DHX37: variants seen among roughly 807,000 people sequenced by gnomAD.
The protein encoded by DHX37 is probable ATP-dependent RNA helicase DHX37.
Under a neutral mutation model 134.3 loss-of-function variants are expected in DHX37, and 52 were observed. The observed-to-expected ratio is 0.39, with a 90% CI of 0.31 to 0.49. The LOEUF (loss-of-function observed/expected upper bound fraction) is 0.49, where lower values mean the gene tolerates loss of function less well. Among genes scored for constraint, DHX37 ranks in the 20% least tolerant of loss-of-function variants. The pLI, the probability that DHX37 is intolerant of heterozygous loss-of-function variation, is 0.93. For missense variants in DHX37, 1,344 were observed against 1,580.8 expected, an observed-to-expected ratio of 0.85 and a Z score of 2.54; for synonymous variants, 634 against 670.7, an observed-to-expected ratio of 0.95 and a Z score of 0.85.
At position 124,982,023 on chromosome 12, in the gene DHX37, T is replaced by C. The variant is rs1335697930; in HGVS notation, c.389+488A>G. Among the ~76,000 whole-genome samples the C allele has an allele frequency of 2.6e-5, 4 of 151,366 alleles. No individual in the cohort carries two copies. The East Asian group carries it at 7.8e-4, about 30-fold the overall frequency. ...CTGTAATCCCAGCTACTTGGGAGGC[T>C]GAGGCAGGAGAATCGCTTGAACCTG... On this transcript the variant is annotated intron_variant, in intron 3 of 26. Transcript: ENST00000308736.
At chr12:124,959,512 C>T (rs10846784) in intron 16 of DHX37, among the ~76,000 whole-genome samples, 38,994 of 151,992 alleles carry the variant, frequency 0.26, 6,551 homozygotes, top group African/African-American at 0.48. Context: ...TGTGAGCCAC[C>T]AGGCCCGGCC....
Position 124,966,778 on chromosome 12 carries a change from C to G in DHX37, c.1590+15G>C. The G allele has an allele frequency of 6.2e-7, 1 of 1,614,124 alleles. No individual in the cohort carries two copies. On this transcript the variant is annotated intron_variant, in intron 12 of 26. Transcript: ENST00000308736. ...AGCCTTACTCTCCAGGAGTCCCTGCCAGCCCCCCACGTACCTCAGCCCGCG... is the reference window on the plus strand; with the variant it reads ...AGCCTTACTCTCCAGGAGTCCCTGCGAGCCCCCCACGTACCTCAGCCCGCG...
intron 4 of DHX37, among the ~76,000 whole-genome samples, chr12:124,979,107 T>C (rs960242029): frequency 5.3e-5 from 8 of 151,904 alleles, no homozygotes; most frequent in Admixed American, 4.6e-4. Flanking sequence ...CCCAGCACTT[T>C]AGGAGGCCAA....
chr12:124,960,880 A>G (rs1954223885), intron 15 of DHX37, among the ~76,000 whole-genome samples: 1 of 152,202 alleles, frequency 6.6e-6, no homozygotes, highest in African/African-American at 2.4e-5. Flanking sequence ...ACTTGAACCC[A>G]GGAGGCAAAG....
intron 5 of DHX37, among the ~76,000 whole-genome samples, chr12:124,976,280 G>A (rs759772813): frequency 3.9e-4 from 59 of 152,184 alleles, no homozygotes; most frequent in Non-Finnish European, 6.2e-4. Context: ...CGCGTCCTTC[G>A]CTGTAATATA....
chr12:124,988,776 A>G (rs1954921738), intron 1 of DHX37, 141 bp downstream of exon 1: 1 of 427,616 alleles, frequency 2.3e-6, no homozygotes, highest in South Asian at 1.2e-4. Flanking sequence ...CCTTTGGATC[A>G]TCTGGAATGG....
chr12:124,964,194 T>TG (rs1954330144), intron 15 of DHX37, among the ~76,000 whole-genome samples, 200 bp downstream of exon 15: 1 of 28,486 alleles, frequency 3.5e-5, no homozygotes, highest in Non-Finnish European at 5.9e-5. Context: ...AAACTCCATC[T>TG]CAAAAAAAAA....
rs569709094 is a variant in DHX37, at chr12:124,966,957, C to T, written c.1505-79G>A. ...GCACACTGCCCTTTGTTGTTCAAGGCATGGCCACTCAGTGGTGGCCATTTA... is the reference window on the plus strand; with the variant it reads ...GCACACTGCCCTTTGTTGTTCAAGGTATGGCCACTCAGTGGTGGCCATTTA... On this transcript the variant is annotated intron_variant, in intron 11 of 26. Transcript: ENST00000308736. 1.5e-5 allele frequency: 23 copies of T among 1,581,820 alleles called. No individual in the cohort carries two copies. In the Admixed American group the frequency reaches 3.5e-4, roughly 24 times the overall value.
In DHX37 at chr12:124,964,617, G is replaced by A. The variant is rs762547225; in HGVS notation, c.1822C>T (p.Pro608Ser). 2.5e-6 allele frequency: 4 copies of A among 1,607,218 alleles called. No homozygotes were observed. The highest frequency in any genetic ancestry group is 3.4e-6 in the Non-Finnish European group (4 of 1,178,448). ...CACAACCGAGTCCCCTCCGGTGGAG[G>A]CTTAAAGACCTAGGATTCGGGGAAG... is the stretch of plus-strand genomic sequence containing the variant. ...APEKQAQVFKPPPEGTRLCVV... is the reference protein window; with the variant it reads ...APEKQAQVFKSPPEGTRLCVV... The change falls in exon 15 of 27, where the codon CCT (proline) becomes TCT (serine). Residue 608 changes from proline to serine, a missense_variant. This residue lies in a region of DHX37 where 289 missense variants were observed against 323.8 expected (regional missense o/e 0.89). Coordinates refer to ENST00000308736, the MANE Select transcript of DHX37 (RefSeq NM_032656.4).
chr12:124,972,578 C>G lies in DHX37; in HGVS notation c.1002G>C (p.Arg334=). ...TCTCCTCTGTCACGTTTCCTTCATA[C>G]CGGATCTGGTAGGAGACGACCCTGT... is the stretch of plus-strand genomic sequence containing the variant. ...LSQRVVSYQI[R]YEGNVTEETR... The change falls in exon 7 of 27, where the codon CGG becomes CGC. Residue 334 remains arginine (R), a synonymous_variant. Coordinates refer to ENST00000308736, the MANE Select transcript of DHX37 (RefSeq NM_032656.4). The G allele has an allele frequency of 6.2e-7, 1 of 1,614,200 alleles. No homozygotes were observed. Among genetic ancestry groups the G allele is most frequent in the Non-Finnish European group, 8.5e-7 (1 of 1,180,030 alleles).
At chr12:124,963,101 C>T (rs1954300458) in intron 15 of DHX37, among the ~76,000 whole-genome samples, 1 of 152,186 alleles carries the variant, frequency 6.6e-6, no homozygotes, top group African/African-American at 2.4e-5. Flanking sequence ...AACAACCAAA[C>T]GTCCACCAGC....
Position 124,956,892 on chromosome 12 carries a change from G to C in DHX37, c.2265-13C>G. ...CAGTTGCTTCACCCTGGAGATGGAGGTGGTGGTGGCAGTGCTCTGAGAGGA... is the reference window on the plus strand; with the variant it reads ...CAGTTGCTTCACCCTGGAGATGGAGCTGGTGGTGGCAGTGCTCTGAGAGGA... On this transcript the variant is annotated splice_polypyrimidine_tract_variant and intron_variant, in intron 17 of 26. Transcript: ENST00000308736. The C allele has an allele frequency of 6.3e-7, 1 of 1,578,052 alleles. No homozygotes were observed. The highest frequency in any genetic ancestry group is 8.7e-7 in the Non-Finnish European group (1 of 1,155,794).
rs148710712 is a variant in DHX37 at position 124,950,539 on chromosome 12, C to T, written c.2995G>A (p.Val999Met). 360 of 1,553,700 alleles carry T rather than the reference C, an allele frequency of 2.3e-4. No individual in the cohort carries two copies. In the African/African-American group the frequency reaches 2.7e-3, roughly 11 times the overall value. ...TKMYMKGVSS[V>M]EVQWIPALLP... ...AGGGCCGGGATCCACTGGACCTCCA[C>T]GCTAGAGACGCCTGGGGGCCGGGGG... The change falls in exon 23 of 27, where the codon GTG becomes ATG. Residue 999 changes from valine to methionine, a missense_variant. This residue lies in a region of DHX37 where 558 missense variants were observed against 650.0 expected (regional missense o/e 0.86). Coordinates refer to ENST00000308736, the MANE Select transcript of DHX37 (RefSeq NM_032656.4).
intron 8 of DHX37, among the ~76,000 whole-genome samples, chr12:124,969,942 A>G (rs1352179997): frequency 6.6e-6 from 1 of 151,204 alleles, no homozygotes; most frequent in African/African-American, 2.4e-5. Flanking sequence ...AAAAACCACC[A>G]CCACAAAAAA....
chr12:124,962,982 G>A (rs1210668243), intron 15 of DHX37, among the ~76,000 whole-genome samples: 3 of 152,184 alleles, frequency 2.0e-5, no homozygotes, highest in Non-Finnish European at 4.4e-5. Flanking sequence ...TTACCATACG[G>A]CCCAGCGGTT....
At chr12:124,969,008 G>A (rs775998283) in intron 8 of DHX37, 40 bp from the exon 9 acceptor site, 34 of 1,590,910 alleles carry the variant, frequency 2.1e-5, no homozygotes, top group Admixed American at 7.0e-5. Flanking sequence ...CCCCAGGACC[G>A]CAGGTGGGTC....
At chr12:124,953,655 T>G (rs1594474047) in intron 20 of DHX37, 1 of 721,386 alleles carries the variant, frequency 1.4e-6, no homozygotes. Flanking sequence ...GACGACCTGG[T>G]GGGGGAGGGT....
intron 18 of DHX37, among the ~76,000 whole-genome samples, chr12:124,955,105 T>TC (rs370626000): frequency 1.8e-3 from 277 of 152,346 alleles, no homozygotes; most frequent in African/African-American, 6.6e-3. Flanking sequence ...GACACCTGGT[T>TC]TTCAAGACCT....
intron 15 of DHX37, among the ~76,000 whole-genome samples, chr12:124,961,620 G>T (rs1409888979): frequency 1.3e-5 from 2 of 152,092 alleles, no homozygotes; most frequent in Non-Finnish European, 2.9e-5. Context: ...GTAGAGACAG[G>T]GTTTCACTAT....
Sources: gnomAD v4.1 joint callset for allele counts (sites outside exome capture counted in the v4.1 genomes callset) on GRCh38, gnomAD v4.1.1 for gene constraint, gnomAD v4.1.1 regional missense constraint, MANE v1.5 for transcripts, NCBI Gene and HGNC (gene_info 2026-07-23, HGNC 2026-07-21) for gene names.